The following RALGAPA2 variants were observed in gnomAD, a reference collection of about 807,000 sequenced individuals.
The protein encoded by RALGAPA2 is Ral GTPase activating protein catalytic subunit alpha 2, also known as ral GTPase-activating protein subunit alpha-2.
In RALGAPA2, 139 loss-of-function variants were observed where a neutral mutation model predicts 230.4. That is an observed-to-expected ratio of 0.60 (90% CI 0.53 to 0.69). The LOEUF is 0.69. Ranked by LOEUF, RALGAPA2 falls within the 30% of genes least tolerant of loss-of-function variation. RALGAPA2 has a pLI of 0.00. For missense variants in RALGAPA2, 2,163 were observed against 2,276.0 expected (o/e 0.95, Z 1.01); for synonymous variants, 847 against 837.8 (o/e 1.01, Z -0.19).
intron 35 of RALGAPA2, among the ~76,000 whole-genome samples, chr20:20,500,695 GT>G (rs2062349407): frequency 6.6e-6 from 1 of 152,168 alleles, no homozygotes; most frequent in South Asian, 2.1e-4. Context: ...AATCACGAAT[GT>G]TCCTAATGGC....
At chr20:20,433,647 T>A (rs2122989050) in intron 37 of RALGAPA2, among the ~76,000 whole-genome samples, 1 of 152,244 alleles carries the variant, frequency 6.6e-6, no homozygotes, top group South Asian at 2.1e-4. Flanking sequence ...CAAACAAACC[T>A]ACTCAGCTCA....
rs532382855 is a variant in RALGAPA2, at chr20:20,415,787, G to C, written c.5496-3639C>G. The stretch of plus-strand genomic sequence containing the variant: ...ACTAAAGAGGTTATACGCCTTTACT[G>C]GTTACATTTTATCAAAAATTTCCAA... On this transcript the variant is annotated intron_variant, in intron 37 of 39. Transcript: ENST00000202677. Among the ~76,000 whole-genome samples the C allele has an allele frequency of 4.6e-5, 7 of 152,226 alleles. No homozygotes were observed. In the East Asian group the frequency reaches 1.4e-3, roughly 29 times the overall value.
At chr20:20,532,568 A>C (rs771817148) in intron 26 of RALGAPA2, among the ~76,000 whole-genome samples, 3 of 152,198 alleles carry the variant, frequency 2.0e-5, no homozygotes, top group Non-Finnish European at 4.4e-5. Flanking sequence ...GGGGGTCAGA[A>C]GGAGACTCAA....
chr20:20,407,064 G>A (rs2059961442), intron 38 of RALGAPA2, among the ~76,000 whole-genome samples: 2 of 152,156 alleles, frequency 1.3e-5, no homozygotes, highest in South Asian at 2.1e-4. Context: ...TGAAGATTGA[G>A]TTGGCACTGA....
At chr20:20,504,017 G>A (rs1360813319) in intron 34 of RALGAPA2, among the ~76,000 whole-genome samples, 2 of 152,176 alleles carry the variant, frequency 1.3e-5, no homozygotes, top group Non-Finnish European at 2.9e-5. Context: ...ATAATTCAAA[G>A]TTACGGCATG....
chr20:20,592,545 T>C (rs1442983643), intron 16 of RALGAPA2, among the ~76,000 whole-genome samples: 1 of 152,218 alleles, frequency 6.6e-6, no homozygotes, highest in Non-Finnish European at 1.5e-5. Context: ...CCACACTCAC[T>C]GACGTAGTCA....
chr20:20,603,024 C>G (rs1224148006), intron 15 of RALGAPA2, among the ~76,000 whole-genome samples: 1 of 152,118 alleles, frequency 6.6e-6, no homozygotes, highest in East Asian at 1.9e-4. Context: ...TCTGGGTCCT[C>G]TCAGGCCCCG....
chr20:20,456,576 A>C (rs144590287), intron 37 of RALGAPA2, among the ~76,000 whole-genome samples: 33 of 152,320 alleles, frequency 2.2e-4, no homozygotes, highest in Non-Finnish European at 4.1e-4. Flanking sequence ...TGGCACCTCC[A>C]CCTGGATCTC....
intron 37 of RALGAPA2, among the ~76,000 whole-genome samples, chr20:20,446,430 C>T (rs1275006825): frequency 6.6e-6 from 1 of 152,184 alleles, no homozygotes; most frequent in Non-Finnish European, 1.5e-5. Context: ...GCTGCCATTA[C>T]TTTTAAAGGC....
At chr20:20,645,419 T>C (rs2067181300) in intron 4 of RALGAPA2, among the ~76,000 whole-genome samples, 1 of 151,886 alleles carries the variant, frequency 6.6e-6, no homozygotes, top group African/African-American at 2.4e-5. Context: ...CGGCCGTTAG[T>C]GTTGTTTTTT....
chr20:20,653,665 T>G (rs1465650197), intron 3 of RALGAPA2, 78 bp from the exon 4 acceptor site: 1 of 817,414 alleles, frequency 1.2e-6, no homozygotes, highest in East Asian at 2.7e-5. Context: ...TTACTCACTG[T>G]AGGTAAGTTC....
At chr20:20,630,794 T>C (rs1431788703) in intron 9 of RALGAPA2, among the ~76,000 whole-genome samples, 1 of 152,152 alleles carries the variant, frequency 6.6e-6, no homozygotes, top group Admixed American at 6.5e-5. Flanking sequence ...GCACTTGGAT[T>C]TCACATATAC....
At chr20:20,549,950 C>T (rs934320882) in intron 23 of RALGAPA2, among the ~76,000 whole-genome samples, 1 of 152,184 alleles carries the variant, frequency 6.6e-6, no homozygotes, top group African/African-American at 2.4e-5. Context: ...CCAAAGTGAA[C>T]ATTACTTGCC....
At chr20:20,561,840 T>A (rs1193219468) in intron 23 of RALGAPA2, among the ~76,000 whole-genome samples, 1 of 152,226 alleles carries the variant, frequency 6.6e-6, no homozygotes, top group Non-Finnish European at 1.5e-5. Flanking sequence ...AGTACTGACA[T>A]TTTTGGTCAT....
intron 8 of RALGAPA2, 145 bp downstream of exon 8, chr20:20,637,218 A>G (rs1230818911): frequency 1.5e-6 from 1 of 662,588 alleles, no homozygotes; most frequent in African/African-American, 1.9e-5. Flanking sequence ...ACTTATTAAG[A>G]AACTTTAAAC....
At chr20:20,596,661 C>T (rs2065464174) in intron 16 of RALGAPA2, among the ~76,000 whole-genome samples, 1 of 152,166 alleles carries the variant, frequency 6.6e-6, no homozygotes. Flanking sequence ...AGGTTGTTCT[C>T]AAAGTCACTA....
intron 37 of RALGAPA2, among the ~76,000 whole-genome samples, chr20:20,416,256 T>C (rs1602305485): frequency 6.6e-6 from 1 of 152,186 alleles, no homozygotes; most frequent in African/African-American, 2.4e-5. Flanking sequence ...TAGGGTTTTG[T>C]TGCAGAAAGA....
intron 15 of RALGAPA2, among the ~76,000 whole-genome samples, chr20:20,603,146 A>C (rs1056841103): frequency 6.6e-6 from 1 of 152,180 alleles, no homozygotes. Context: ...CTATTTCTTT[A>C]GAAAGGAGTT....
chr20:20,694,952 A>T (rs927230981), intron 1 of RALGAPA2, among the ~76,000 whole-genome samples: 2 of 152,220 alleles, frequency 1.3e-5, no homozygotes, highest in Non-Finnish European at 2.9e-5. Flanking sequence ...GAGTATGTAA[A>T]ATTGTAGAAC....
Sources: allele counts gnomAD v4.1 joint callset (sites outside exome capture counted in the v4.1 genomes callset), GRCh38; gene constraint gnomAD v4.1.1; transcripts MANE v1.5; gene names NCBI Gene and HGNC (gene_info 2026-07-23, HGNC 2026-07-21).